MPZL1: variants seen among roughly 807,000 people sequenced by gnomAD.
The protein encoded by MPZL1 is myelin protein zero-like protein 1.
MPZL1 carries 16 observed loss-of-function variants against 29.3 expected under a neutral mutation model. The observed-to-expected ratio is 0.55, with a 90% CI of 0.37 to 0.83. The LOEUF (loss-of-function observed/expected upper bound fraction) is 0.83. MPZL1 is among the 40% of genes least tolerant of loss of function. The pLI is 0.00. For missense variants in MPZL1, 279 were observed against 332.9 expected, an observed-to-expected ratio of 0.84 and a Z score of 1.26; for synonymous variants, 143 against 132.0, an observed-to-expected ratio of 1.08 and a Z score of -0.57.
In MPZL1 at chr1:167,754,201, G is replaced by A. The variant is rs144986097; in HGVS notation, c.92-11382G>A. Among the ~76,000 whole-genome samples the A allele has an allele frequency of 3.5e-3, 537 of 151,862 alleles. 5 individuals are homozygous for A. Among genetic ancestry groups the A allele is most frequent in the African/African-American group, 0.012 (501 of 41,370 alleles). The stretch of plus-strand genomic sequence containing the variant: ...TTTGGTAGAGATGGGGTTTCACCAT[G>A]TTGCCCAGGCTGGTCTTGAACTCCT... On this transcript the variant is annotated intron_variant, in intron 1 of 5. Transcript: ENST00000359523.
At chr1:167,748,046 G>A (rs1224977142) in intron 1 of MPZL1, among the ~76,000 whole-genome samples, 2 of 152,096 alleles carry the variant, frequency 1.3e-5, no homozygotes. Context: ...TCATGATGTA[G>A]CATGTATCAA....
intron 2 of MPZL1, among the ~76,000 whole-genome samples, chr1:167,770,470 A>G (rs1392117496): frequency 6.6e-6 from 1 of 152,254 alleles, no homozygotes; most frequent in Non-Finnish European, 1.5e-5. Flanking sequence ...GAGTGGAAAG[A>G]GAAAGGGGCT....
At position 167,786,856 on chromosome 1, in the gene MPZL1, A is replaced by G. The variant is rs113504045; in HGVS notation, c.709-964A>G. Among the ~76,000 whole-genome samples the G allele has an allele frequency of 8.3e-3, 1,260 of 152,362 alleles. 13 individuals are homozygous for G. Among genetic ancestry groups the G allele is most frequent in the African/African-American group, 0.028 (1,152 of 41,578 alleles). ...CCCCTAGATTGGGAGAAAAGTTGAC[A>G]TTGGGTAATATTAAATCTTTCTTTT... On this transcript the variant is annotated intron_variant, in intron 5 of 5. Coordinates refer to ENST00000359523, the MANE Select transcript of MPZL1 (RefSeq NM_003953.6).
chr1:167,728,916 T>C (rs528007458), intron 1 of MPZL1, among the ~76,000 whole-genome samples: 1 of 152,288 alleles, frequency 6.6e-6, no homozygotes, highest in South Asian at 2.1e-4. Flanking sequence ...TTTTTCATAC[T>C]GGGACCCTGA....
At chr1:167,744,159 A>G (rs1660594214) in intron 1 of MPZL1, among the ~76,000 whole-genome samples, 1 of 152,098 alleles carries the variant, frequency 6.6e-6, no homozygotes. Flanking sequence ...TACTATTAGA[A>G]TAAACTTAAA....
chr1:167,763,510 A>T (rs1024582207), intron 1 of MPZL1, among the ~76,000 whole-genome samples: 2 of 151,950 alleles, frequency 1.3e-5, no homozygotes, highest in African/African-American at 2.4e-5. Flanking sequence ...CAAAAAAAAA[A>T]AAAAGAAAGA....
chr1:167,746,747 CAT>C (rs1660655032), intron 1 of MPZL1, among the ~76,000 whole-genome samples: 1 of 152,122 alleles, frequency 6.6e-6, no homozygotes, highest in African/African-American at 2.4e-5. Context: ...AGGAGTGGAA[CAT>C]GTGTTTCTAA....
At chr1:167,776,653 C>A (rs1661374809) in intron 5 of MPZL1, among the ~76,000 whole-genome samples, 1 of 152,088 alleles carries the variant, frequency 6.6e-6, no homozygotes, top group African/African-American at 2.4e-5. Flanking sequence ...AATTAATAGG[C>A]TTGATGAACA....
intron 1 of MPZL1, among the ~76,000 whole-genome samples, chr1:167,733,854 ATGAT>A (rs1263690052): frequency 5.3e-5 from 8 of 151,872 alleles, no homozygotes; most frequent in African/African-American, 1.9e-4. Context: ...GCAGTGAGCT[ATGAT>A]TGAGCCACTG....
chr1:167,753,081 G>A (rs2069059), intron 1 of MPZL1, among the ~76,000 whole-genome samples: 2,813 of 152,278 alleles, frequency 0.018, 91 homozygotes, highest in African/African-American at 0.063. Context: ...CCATAGAGTC[G>A]TGTGAGAATT....
At chr1:167,787,463 C>G (rs2101802574) in intron 5 of MPZL1, among the ~76,000 whole-genome samples, 1 of 152,208 alleles carries the variant, frequency 6.6e-6, no homozygotes, top group Admixed American at 6.5e-5. Context: ...CCATCTTAGT[C>G]CTTAAGACTC....
chr1:167,774,242 G>C (rs140287018), intron 4 of MPZL1, among the ~76,000 whole-genome samples: 1 of 152,332 alleles, frequency 6.6e-6, no homozygotes, highest in African/African-American at 2.4e-5. Context: ...AAGCTATGTA[G>C]AACTCATGTG....
intron 1 of MPZL1, among the ~76,000 whole-genome samples, chr1:167,732,497 G>T (rs1237049466): frequency 6.6e-6 from 1 of 152,196 alleles, no homozygotes; most frequent in Non-Finnish European, 1.5e-5. Flanking sequence ...GAGTGCAGTG[G>T]CTGGCAATTC....
chr1:167,725,149 C>T (rs1408967327), intron 1 of MPZL1, among the ~76,000 whole-genome samples: 1 of 152,194 alleles, frequency 6.6e-6, no homozygotes, highest in East Asian at 1.9e-4. Flanking sequence ...TCTTCCCTGT[C>T]CTTCACATCC....
chr1:167,768,588 T>G (rs1196781756), intron 2 of MPZL1, among the ~76,000 whole-genome samples: 2 of 152,250 alleles, frequency 1.3e-5, no homozygotes, highest in African/African-American at 2.4e-5. Flanking sequence ...TGATTGATAA[T>G]GATTCTAGTC....
intron 1 of MPZL1, among the ~76,000 whole-genome samples, chr1:167,763,977 T>C (rs1661053715): frequency 6.6e-6 from 1 of 152,214 alleles, no homozygotes; most frequent in African/African-American, 2.4e-5. Context: ...GGAGTACTCT[T>C]GTTCTCCTTG....
At chr1:167,741,183 ATTTTTT>A (rs1161469215) in intron 1 of MPZL1, among the ~76,000 whole-genome samples, 16 of 130,166 alleles carry the variant, frequency 1.2e-4, no homozygotes, top group East Asian at 6.8e-4. Context: ...CGCCTGGCTA[ATTTTTT>A]TTTTTTTTTT....
Position 167,787,933 on chromosome 1 carries a change from G to A in MPZL1, c.*12G>A, listed in dbSNP as rs377498586. On this transcript the variant is annotated 3_prime_UTR_variant, in exon 6 of 6. Transcript: ENST00000359523. ...TCCGAAAGAATTAAGAGAATACCTA[G>A]AACATATCCTCAGCAAGAAACAAAA... 2.5e-5 allele frequency: 40 copies of A among 1,593,428 alleles called. No individual in the cohort carries two copies. The highest frequency in any genetic ancestry group is 3.1e-5 in the Non-Finnish European group (36 of 1,161,290).
At chr1:167,752,027 C>T (rs1207987259) in intron 1 of MPZL1, among the ~76,000 whole-genome samples, 1 of 152,226 alleles carries the variant, frequency 6.6e-6, no homozygotes, top group Non-Finnish European at 1.5e-5. Context: ...CTCCGTGATG[C>T]CCACTTCCTA....
Sources: gnomAD v4.1 joint callset for allele counts (sites outside exome capture counted in the v4.1 genomes callset) on GRCh38, gnomAD v4.1.1 for gene constraint, MANE v1.5 for transcripts, NCBI Gene and HGNC (gene_info 2026-07-23, HGNC 2026-07-21) for gene names.